COL13A1: variants seen among roughly 807,000 people sequenced by gnomAD.
The protein encoded by COL13A1 is collagen type XIII alpha 1 chain.
COL13A1 carries 89 observed loss-of-function variants against 130.9 expected under a neutral mutation model. That is an observed-to-expected ratio of 0.68 (90% CI 0.57 to 0.81). The LOEUF is 0.81. Ranked by LOEUF, COL13A1 falls within the 30% of genes least tolerant of loss-of-function variation. COL13A1 has a pLI of 0.00. For missense variants in COL13A1, 879 were observed against 934.6 expected (o/e 0.94, Z 0.78); for synonymous variants, 402 against 341.6 (o/e 1.18, Z -1.95).
chr10:69,890,711 C>G (rs573543068), intron 10 of COL13A1, among the ~76,000 whole-genome samples: 2 of 152,354 alleles, frequency 1.3e-5, no homozygotes. Flanking sequence ...CCCTCTGGGC[C>G]CCAACCTGTC....
chr10:69,896,405 C>T (rs1217651809), intron 13 of COL13A1, among the ~76,000 whole-genome samples: 1 of 152,156 alleles, frequency 6.6e-6, no homozygotes, highest in Admixed American at 6.5e-5. Context: ...AAATGCCCCT[C>T]ATTTTGTGGA....
At chr10:69,902,655 C>A in intron 14 of COL13A1, 93 bp from the exon 15 acceptor site, 1 of 1,011,546 alleles carries the variant, frequency 9.9e-7, no homozygotes, top group South Asian at 1.6e-5. Flanking sequence ...GCAGAAATCA[C>A]AGCAGGCCTT....
intron 29 of COL13A1, 129 bp downstream of exon 29, chr10:69,930,216 G>A: frequency 9.2e-7 from 1 of 1,088,152 alleles, no homozygotes; most frequent in Non-Finnish European, 1.3e-6. Context: ...GAGATGGGGG[G>A]GGGCAGGGAG....
chr10:69,941,199 A>G (rs2067587539), intron 35 of COL13A1, among the ~76,000 whole-genome samples, 176 bp downstream of exon 35: 1 of 152,192 alleles, frequency 6.6e-6, no homozygotes, highest in African/African-American at 2.4e-5. Context: ...TCTTGACCAA[A>G]TATGGCTGGC....
At chr10:69,804,323 G>A (rs1840867976) in intron 1 of COL13A1, among the ~76,000 whole-genome samples, 1 of 152,032 alleles carries the variant, frequency 6.6e-6, no homozygotes, top group Non-Finnish European at 1.5e-5. Context: ...AGACCTTCCT[G>A]CTGGCCTGAC....
At chr10:69,949,427 C>T (rs1233523137) in intron 38 of COL13A1, among the ~76,000 whole-genome samples, 1 of 152,228 alleles carries the variant, frequency 6.6e-6, no homozygotes, top group Non-Finnish European at 1.5e-5. Context: ...AAGTGATCCT[C>T]CTGCCTCGGC....
In COL13A1 at chr10:69,860,920, G is replaced by A. The variant is rs528051404; in HGVS notation, c.365-6878G>A. ...CCCATTGCTAGCTAGGCTGGCGAACGGCTTCCCTGGAAACACAGGACTGCA... is the reference window on the plus strand; with the variant it reads ...CCCATTGCTAGCTAGGCTGGCGAACAGCTTCCCTGGAAACACAGGACTGCA... On this transcript the variant is annotated intron_variant, in intron 2 of 40. Transcript: ENST00000645393. 1.2e-4 allele frequency among the ~76,000 whole-genome samples: 18 copies of A among 152,318 alleles called. 1 individual carries two copies. Among genetic ancestry groups the A allele is most frequent in the South Asian group, 6.2e-4 (3 of 4,828 alleles).
intron 10 of COL13A1, among the ~76,000 whole-genome samples, chr10:69,890,736 C>T (rs2061093828): frequency 6.6e-6 from 1 of 152,248 alleles, no homozygotes; most frequent in African/African-American, 2.4e-5. Context: ...TGACTCAGAT[C>T]CAACTAATAT....
At position 69,898,771 on chromosome 10, in the gene COL13A1, C is replaced by T. The variant is rs2061908805; in HGVS notation, c.750+9C>T. The T allele has an allele frequency of 6.2e-7, 1 of 1,609,704 alleles. No homozygotes were observed. Among genetic ancestry groups the T allele is most frequent in the Non-Finnish European group, 8.5e-7 (1 of 1,177,316 alleles). On this transcript the variant is annotated intron_variant, in intron 14 of 40. Coordinates refer to ENST00000645393, the MANE Select transcript of COL13A1 (RefSeq NM_001368882.1). Reference sequence around the variant, plus strand: ...AAAGGCGGACGTTCCAGGTAGACACCTCCCGTTTGTCCAGACCATGTGTGG... The same window carrying T: ...AAAGGCGGACGTTCCAGGTAGACACTTCCCGTTTGTCCAGACCATGTGTGG...
intron 39 of COL13A1, chr10:69,956,208 G>C (rs959033412): frequency 6.6e-6 from 1 of 152,242 alleles, no homozygotes; most frequent in South Asian, 2.1e-4. Context: ...TCCCCATAGG[G>C]TATGCCAGCA....
rs1320592883 is a variant in COL13A1 at position 69,882,537 on chromosome 10, G to A, written c.513+1984G>A. On this transcript the variant is annotated intron_variant, in intron 7 of 40. Coordinates refer to ENST00000645393, the MANE Select transcript of COL13A1 (RefSeq NM_001368882.1). ...CATAATAGGTCTCCTTCACAGCTGTGAGGCAGGCCCCACCAGCCCATTTTA... is the reference window on the plus strand; with the variant it reads ...CATAATAGGTCTCCTTCACAGCTGTAAGGCAGGCCCCACCAGCCCATTTTA... Among the ~76,000 whole-genome samples the A allele has an allele frequency of 5.3e-5, 8 of 152,206 alleles. No homozygotes were observed. In the East Asian group the frequency reaches 1.5e-3, roughly 29 times the overall value.
intron 9 of COL13A1, 126 bp downstream of exon 9, chr10:69,888,456 T>A (rs79354061): frequency 0.015 from 19,841 of 1,365,634 alleles, 222 homozygotes; most frequent in Middle Eastern, 0.056. Flanking sequence ...CTGAAGGTTG[T>A]CACTAGTGGG....
chr10:69,810,701 G>C (rs1440914187), intron 1 of COL13A1, among the ~76,000 whole-genome samples: 1 of 152,204 alleles, frequency 6.6e-6, no homozygotes, highest in Non-Finnish European at 1.5e-5. Flanking sequence ...AAATCAGCAG[G>C]CTTCTCCAAG....
chr10:69,896,083 G>C lies in COL13A1; in HGVS notation c.684+507G>C, dbSNP rs78750306. ...TGATGGTGTTTCACATCCAAACCTC[G>C]ATGATGGGAGATAATCGGGGACTGA... On this transcript the variant is annotated intron_variant, in intron 13 of 40. Transcript: ENST00000645393. Among the ~76,000 whole-genome samples the C allele has an allele frequency of 9.7e-3, 1,484 of 152,248 alleles. 24 individuals carry two copies. The highest frequency in any genetic ancestry group is 0.034 in the African/African-American group (1,425 of 41,534).
intron 5 of COL13A1, among the ~76,000 whole-genome samples, chr10:69,876,111 C>T (rs1361733522): frequency 1.3e-5 from 2 of 152,196 alleles, no homozygotes; most frequent in Admixed American, 1.3e-4. Flanking sequence ...GTGCTAACTG[C>T]TTGCTGGCGT....
At chr10:69,888,002 C>T (rs1165828991) in intron 8 of COL13A1, among the ~76,000 whole-genome samples, 1 of 152,192 alleles carries the variant, frequency 6.6e-6, no homozygotes, top group African/African-American at 2.4e-5. Context: ...TAGGAACACA[C>T]CACCTACTCT....
chr10:69,844,448 A>C (rs1316796137), intron 2 of COL13A1, among the ~76,000 whole-genome samples: 1 of 152,200 alleles, frequency 6.6e-6, no homozygotes, highest in Non-Finnish European at 1.5e-5. Flanking sequence ...CAGAGAGATG[A>C]GACGAGAACA....
chr10:69,894,421 G>T, intron 10 of COL13A1, 131 bp from the exon 11 acceptor site: 1 of 1,006,970 alleles, frequency 9.9e-7, no homozygotes, highest in Non-Finnish European at 1.5e-6. Flanking sequence ...AATGTGGTGG[G>T]CATGGGAAGA....
chr10:69,893,562 G>A (rs1050872168), intron 10 of COL13A1, among the ~76,000 whole-genome samples: 2 of 152,218 alleles, frequency 1.3e-5, no homozygotes, highest in Admixed American at 6.5e-5. Context: ...CCACCCTTGG[G>A]GATCTGCAGT....
Sources: gnomAD v4.1 joint callset for allele counts (sites outside exome capture counted in the v4.1 genomes callset) on GRCh38, gnomAD v4.1.1 for gene constraint, MANE v1.5 for transcripts, NCBI Gene and HGNC (gene_info 2026-07-23, HGNC 2026-07-21) for gene names.